Variants in FGF12 observed in about 807,000 individuals in gnomAD.
The protein encoded by FGF12 is fibroblast growth factor 12.
In FGF12, 14 loss-of-function variants were observed where a neutral mutation model predicts 23.6. The observed-to-expected ratio is 0.59, with a 90% CI of 0.39 to 0.93. The LOEUF (loss-of-function observed/expected upper bound fraction) is 0.93, where lower values mean the gene tolerates loss of function less well. Among genes scored for constraint, FGF12 ranks in the 40% least tolerant of loss-of-function variants. The pLI is 0.00. For missense variants in FGF12, 175 were observed against 217.8 expected (o/e 0.80, Z 1.24); for synonymous variants, 62 against 77.3 (o/e 0.80, Z 1.04).
intron 2 of FGF12, among the ~76,000 whole-genome samples, chr3:192,376,331 T>C (rs925110264): frequency 7.0e-6 from 1 of 142,046 alleles, no homozygotes; most frequent in African/African-American, 2.7e-5. Flanking sequence ...TATATAATTA[T>C]TAATTTAATT....
intron 2 of FGF12, among the ~76,000 whole-genome samples, chr3:192,509,330 T>A (rs1011234345): frequency 1.3e-5 from 2 of 152,134 alleles, no homozygotes; most frequent in Non-Finnish European, 2.9e-5. Flanking sequence ...ATAAACTACT[T>A]CCCTGATATT....
chr3:192,245,274 T>G (rs1711515236), intron 4 of FGF12, among the ~76,000 whole-genome samples: 1 of 151,916 alleles, frequency 6.6e-6, no homozygotes, highest in South Asian at 2.1e-4. Context: ...TTATTTTGTT[T>G]TATTTATTTA....
At chr3:192,271,381 G>T (rs1183154569) in intron 4 of FGF12, among the ~76,000 whole-genome samples, 1 of 152,162 alleles carries the variant, frequency 6.6e-6, no homozygotes, top group South Asian at 2.1e-4. Flanking sequence ...CAGAACTATT[G>T]TGAATCTGAT....
intron 4 of FGF12, among the ~76,000 whole-genome samples, chr3:192,187,216 A>G (rs1224548312): frequency 6.6e-6 from 1 of 152,218 alleles, no homozygotes; most frequent in Non-Finnish European, 1.5e-5. Flanking sequence ...GGAGAGCAGA[A>G]CAATATGTGA....
At chr3:192,288,132 A>T (rs1326465177) in intron 4 of FGF12, among the ~76,000 whole-genome samples, 1 of 152,102 alleles carries the variant, frequency 6.6e-6, no homozygotes, top group African/African-American at 2.4e-5. Context: ...TTTGGGTAGA[A>T]GTGACAAGTT....
At chr3:192,157,553 G>A (rs75299421) in intron 5 of FGF12, among the ~76,000 whole-genome samples, 3,659 of 152,070 alleles carry the variant, frequency 0.024, 147 homozygotes, top group African/African-American at 0.083. Context: ...TTCTTTTCAT[G>A]GGTGCCTGTG....
chr3:192,531,034 C>T (rs1388630246), intron 2 of FGF12, among the ~76,000 whole-genome samples: 2 of 152,156 alleles, frequency 1.3e-5, no homozygotes, highest in Non-Finnish European at 2.9e-5. Flanking sequence ...AGGCTGGTCT[C>T]GAACTGACCT....
At chr3:192,364,687 A>G (rs1479030804) in intron 2 of FGF12, among the ~76,000 whole-genome samples, 1 of 152,248 alleles carries the variant, frequency 6.6e-6, no homozygotes, top group Non-Finnish European at 1.5e-5. Context: ...TAGAAACAAC[A>G]GAATGGAAGA....
intron 2 of FGF12, among the ~76,000 whole-genome samples, chr3:192,708,412 C>T (rs978374330): frequency 6.6e-6 from 1 of 152,064 alleles, no homozygotes; most frequent in African/African-American, 2.4e-5. Context: ...ATGAAAAGTG[C>T]TATAAAAATT....
chr3:192,195,151 T>C (rs1046734324), intron 4 of FGF12, among the ~76,000 whole-genome samples: 1 of 152,246 alleles, frequency 6.6e-6, no homozygotes, highest in Non-Finnish European at 1.5e-5. Flanking sequence ...TGAACTCTCA[T>C]TTTGAAGTGG....
intron 2 of FGF12, among the ~76,000 whole-genome samples, chr3:192,456,345 G>A (rs1722680865): frequency 6.6e-6 from 1 of 152,180 alleles, no homozygotes; most frequent in Admixed American, 6.5e-5. Flanking sequence ...GAGGTCATCT[G>A]AGACTTAGAG....
chr3:192,681,859 T>A (rs1334922792), intron 2 of FGF12, among the ~76,000 whole-genome samples: 3 of 152,170 alleles, frequency 2.0e-5, no homozygotes, highest in Non-Finnish European at 4.4e-5. Context: ...AAAGGCAACA[T>A]GCTGAGGGTC....
intron 4 of FGF12, among the ~76,000 whole-genome samples, chr3:192,332,651 A>C (rs545879914): frequency 2.0e-5 from 3 of 152,114 alleles, no homozygotes; most frequent in Non-Finnish European, 2.9e-5. Context: ...ACTTCCTATT[A>C]ATTCCTAGCT....
At chr3:192,305,334 A>T (rs1715563196) in intron 4 of FGF12, among the ~76,000 whole-genome samples, 1 of 152,108 alleles carries the variant, frequency 6.6e-6, no homozygotes, top group Non-Finnish European at 1.5e-5. Context: ...CAAAAAGCTA[A>T]ATGTAAAAAA....
At chr3:192,266,681 T>A (rs575906307) in intron 4 of FGF12, among the ~76,000 whole-genome samples, 1 of 152,072 alleles carries the variant, frequency 6.6e-6, no homozygotes, top group African/African-American at 2.4e-5. Context: ...TAGGAACTTT[T>A]AATACTTTCC....
chr3:192,208,316 C>G (rs1054359535), intron 4 of FGF12, among the ~76,000 whole-genome samples: 1 of 152,130 alleles, frequency 6.6e-6, no homozygotes, highest in African/African-American at 2.4e-5. Flanking sequence ...CACCATAACT[C>G]AAAACACTGT....
intron 2 of FGF12, among the ~76,000 whole-genome samples, chr3:192,674,550 G>C (rs142524217): frequency 2.0e-5 from 3 of 152,288 alleles, no homozygotes; most frequent in African/African-American, 2.4e-5. Context: ...AGGGAGATGA[G>C]AGCAGTAGAT....
intron 2 of FGF12, among the ~76,000 whole-genome samples, chr3:192,447,231 CA>C (rs1253266723): frequency 6.6e-6 from 1 of 152,082 alleles, no homozygotes; most frequent in Non-Finnish European, 1.5e-5. Context: ...TTAACAACAA[CA>C]AAAGAGAAAA....
intron 2 of FGF12, among the ~76,000 whole-genome samples, chr3:192,377,003 T>C (rs938294298): frequency 1.3e-5 from 2 of 152,206 alleles, no homozygotes; most frequent in Non-Finnish European, 2.9e-5. Context: ...AGAGAAGTTC[T>C]TACGTTAACT....
Sources: allele counts gnomAD v4.1 joint callset (sites outside exome capture counted in the v4.1 genomes callset), GRCh38; gene constraint gnomAD v4.1.1; transcripts MANE v1.5; gene names NCBI Gene and HGNC (gene_info 2026-07-23, HGNC 2026-07-21).